Variants in PTPN23 observed in about 807,000 individuals in gnomAD.
PTPN23 encodes tyrosine-protein phosphatase non-receptor type 23.
Under a neutral mutation model 156.3 loss-of-function variants are expected in PTPN23, and 72 were observed. That is an observed-to-expected ratio of 0.46 (90% CI 0.38 to 0.56). The LOEUF (loss-of-function observed/expected upper bound fraction) is 0.56, where lower values mean the gene tolerates loss of function less well. Among genes scored for constraint, PTPN23 ranks in the 20% least tolerant of loss-of-function variants. PTPN23 has a pLI of 0.00. For missense variants in PTPN23, 1,974 were observed against 2,171.5 expected (o/e 0.91, Z 1.81); for synonymous variants, 957 against 899.6 (o/e 1.06, Z -1.14).
At position 47,409,926 on chromosome 3, in the gene PTPN23, A is replaced by G. The variant is rs1705224455; in HGVS notation, c.2130-2A>G. On this transcript the variant is annotated splice_acceptor_variant, in intron 19 of 24. Coordinates refer to ENST00000265562, the MANE Select transcript of PTPN23 (RefSeq NM_015466.4). LOFTEE classifies it high-confidence loss of function. ...CCCACTTTTTCCTTGCCTGTCGCAC[A>G]GGGAGCTGAAGAAGAAGCCGCCGCC... The G allele has an allele frequency of 6.4e-7, 1 of 1,567,652 alleles. No homozygotes were observed. The highest frequency in any genetic ancestry group is 8.6e-7 in the Non-Finnish European group (1 of 1,157,936).
intron 2 of PTPN23, among the ~76,000 whole-genome samples, chr3:47,397,600 C>G (rs898228091): frequency 6.6e-6 from 1 of 152,182 alleles, no homozygotes; most frequent in Non-Finnish European, 1.5e-5. Flanking sequence ...GTACTAGCAA[C>G]TATTGCCAGT....
chr3:47,411,016 C>A lies in PTPN23; in HGVS notation c.3218C>A (p.Ser1073Ter). ...QAAPLTIRGP[S>*]SAGQSTPSPH... Reference sequence around the variant, plus strand: ...GCCCCTCTTACCATTCGAGGGCCCTCGTCTGCTGGCCAGTCCACCCCTAGT... The same window carrying A: ...GCCCCTCTTACCATTCGAGGGCCCTAGTCTGCTGGCCAGTCCACCCCTAGT... The change falls in exon 20 of 25, where the codon TCG (serine) becomes TAG (stop). Residue 1073 changes from serine to a stop codon, truncating the protein, a stop_gained. Coordinates refer to ENST00000265562, the MANE Select transcript of PTPN23 (RefSeq NM_015466.4). LOFTEE classifies it high-confidence loss of function. The surrounding 1 kb of genome is among the most constrained non-coding windows in gnomAD (Gnocchi z 6.3). The A allele has an allele frequency of 6.3e-7, 1 of 1,595,184 alleles. No individual in the cohort carries two copies. The highest frequency in any genetic ancestry group is 1.1e-5 in the South Asian group (1 of 87,656).
intron 2 of PTPN23, among the ~76,000 whole-genome samples, chr3:47,400,816 C>T (rs1431993397): frequency 6.6e-6 from 1 of 152,202 alleles, no homozygotes; most frequent in Non-Finnish European, 1.5e-5. Flanking sequence ...TCAGGTGATC[C>T]ACCCGCCTTG....
In PTPN23 at chr3:47,412,994, T is replaced by C. The variant is rs774355652; in HGVS notation, c.4720T>C (p.Ser1574Pro). Residue 1574 changes from serine (S) to proline (P), a missense_variant, in exon 25 of 25, where the codon TCC (serine) becomes CCC (proline). Physicochemically the swap from Ser to Pro is moderately conservative, Grantham distance 74. Around this residue, in one of 4 missense-constraint regions of PTPN23, gnomAD observed 484 missense variants for 516.0 expected, o/e 0.94. Transcript: ENST00000265562. The part of the protein sequence containing the change: ...VPEAPSSGPP[S>P]SSLELLASLT... Reference sequence around the variant, plus strand: ...TGAAGCCCCCAGCTCGGGGCCCCCCTCCTCCTCCCTGGAATTGCTGGCCTC... The same window carrying C: ...TGAAGCCCCCAGCTCGGGGCCCCCCCCCTCCTCCCTGGAATTGCTGGCCTC... 11 of 1,477,258 alleles carry C rather than the reference T, an allele frequency of 7.4e-6. No individual in the cohort carries two copies. The highest frequency in any genetic ancestry group is 9.9e-6 in the Non-Finnish European group (11 of 1,111,294). 91.5% of individuals were successfully genotyped at this position (1,477,258 alleles called of 1,614,324 possible).
chr3:47,404,746 G>T lies in PTPN23; in HGVS notation c.254G>T (p.Gly85Val). 1.2e-6 allele frequency: 2 copies of T among 1,613,858 alleles called. No homozygotes were observed. Among genetic ancestry groups the T allele is most frequent in the East Asian group, 4.5e-5 (2 of 44,870 alleles). ...TACCTGCAGAGTCGGGTCCCCATGG[G>T]CTCGGGCCAGGAGGCCGCTGTCCCT... is the stretch of plus-strand genomic sequence containing the variant. Reference protein sequence around the residue: ...LHYLQSRVPMGSGQEAAVPVT... With the variant: ...LHYLQSRVPMVSGQEAAVPVT... Residue 85 changes from glycine (G) to valine (V), a missense_variant, in exon 3 of 25, where the codon GGC (glycine) becomes GTC (valine). Coordinates refer to ENST00000265562, the MANE Select transcript of PTPN23 (RefSeq NM_015466.4).
chr3:47,409,392 T>C (rs753644825), intron 17 of PTPN23, 25 bp from the exon 18 acceptor site: 2 of 1,613,696 alleles, frequency 1.2e-6, no homozygotes, highest in African/African-American at 2.7e-5. Context: ...TGAGTGTCCG[T>C]CCCTGGCCCC....
At chr3:47,381,839 G>A (rs141978260) in intron 1 of PTPN23, among the ~76,000 whole-genome samples, 15 of 152,324 alleles carry the variant, frequency 9.8e-5, no homozygotes, top group Non-Finnish European at 1.5e-4. Context: ...GTAGAGCTCA[G>A]AGAAATCTTA....
Position 47,405,734 on chromosome 3 carries a change from C to T in PTPN23, c.365-15C>T, listed in dbSNP as rs1559524622. 3.1e-6 allele frequency: 5 copies of T among 1,598,720 alleles called. No individual in the cohort carries two copies. The highest frequency in any genetic ancestry group is 1.7e-5 in the Admixed American group (1 of 57,206). On this transcript the variant is annotated splice_polypyrimidine_tract_variant and intron_variant, in intron 4 of 24. Coordinates refer to ENST00000265562, the MANE Select transcript of PTPN23 (RefSeq NM_015466.4). This position sits in a 1 kb window ranked among gnomAD's most constrained non-coding sequence, Gnocchi z 4.7. The stretch of plus-strand genomic sequence containing the variant: ...AGCAGCCCCAGGCCCCTAACACTGT[C>T]CCCTCCCTCCCCAGGAGCGCTGCAC...
intron 2 of PTPN23, among the ~76,000 whole-genome samples, chr3:47,402,527 G>A (rs1431760754): frequency 2.0e-5 from 3 of 152,170 alleles, no homozygotes; most frequent in African/African-American, 4.8e-5. Context: ...CGATCCACCC[G>A]CCTCAGCCTC....
Position 47,412,547 on chromosome 3 carries a change from A to G in PTPN23, c.4351A>G (p.Arg1451Gly), listed in dbSNP as rs764967821. Reference protein sequence around the residue: ...HLRFCYEAVVRHVEQVLQRHG... With the variant: ...HLRFCYEAVVGHVEQVLQRHG... ...CAGGTTCTGCTATGAGGCAGTGGTG[A>G]GACACGTGGAGCAGGTCCTGCAGCG... The change falls in exon 24 of 25, where the codon AGA becomes GGA. Residue 1451 changes from arginine (R) to glycine (G), a missense_variant. By Grantham distance (125) the Arg-to-Gly change is moderately radical. Coordinates refer to ENST00000265562, the MANE Select transcript of PTPN23 (RefSeq NM_015466.4). The G allele has an allele frequency of 6.8e-6, 11 of 1,613,584 alleles. No individual in the cohort carries two copies. The highest frequency in any genetic ancestry group is 9.3e-6 in the Non-Finnish European group (11 of 1,179,990).
In PTPN23 at chr3:47,410,314, C is replaced by T; in HGVS notation, c.2516C>T (p.Pro839Leu). 1 of 1,605,414 alleles carries T rather than the reference C, an allele frequency of 6.2e-7. No homozygotes were observed. The highest frequency in any genetic ancestry group is 8.5e-7 in the Non-Finnish European group (1 of 1,175,642). Residue 839 changes from proline (P) to leucine (L), a missense_variant, in exon 20 of 25, where the codon CCA becomes CTA. Coordinates refer to ENST00000265562, the MANE Select transcript of PTPN23 (RefSeq NM_015466.4). ...PELGLVPRSSPQHGVVSSPYV... is the reference protein window; with the variant it reads ...PELGLVPRSSLQHGVVSSPYV... Reference sequence around the variant, plus strand: ...CTGGGCCTTGTGCCCCGATCCTCCCCACAGCATGGCGTGGTGAGCAGTCCC... The same window carrying T: ...CTGGGCCTTGTGCCCCGATCCTCCCTACAGCATGGCGTGGTGAGCAGTCCC...
At chr3:47,404,126 C>T (rs1314607281) in intron 2 of PTPN23, among the ~76,000 whole-genome samples, 1 of 152,176 alleles carries the variant, frequency 6.6e-6, no homozygotes, top group African/African-American at 2.4e-5. Flanking sequence ...AAACATGTTG[C>T]AAACTGCTTT....
Position 47,409,428 on chromosome 3 carries a change from G to A in PTPN23, c.1809G>A (p.Glu603=). ...CACCCCTTCCTCAGAAGTTGTTCGA[G>A]GAGCAGCTGAAAAAGTATGACCAGC... ...TDHSEMKKLF[E]EQLKKYDQLK... Residue 603 remains glutamate, a synonymous_variant, in exon 18 of 25, where the codon GAG becomes GAA. Coordinates refer to ENST00000265562, the MANE Select transcript of PTPN23 (RefSeq NM_015466.4). 1 of 1,614,166 alleles carries A rather than the reference G, an allele frequency of 6.2e-7. No homozygotes were observed. Among genetic ancestry groups the A allele is most frequent in the Non-Finnish European group, 8.5e-7 (1 of 1,180,030 alleles).
At chr3:47,400,261 G>T (rs1704966004) in intron 2 of PTPN23, among the ~76,000 whole-genome samples, 2 of 152,224 alleles carry the variant, frequency 1.3e-5, no homozygotes, top group South Asian at 4.1e-4. Flanking sequence ...TAAAACCAGG[G>T]TTTGAATAGT....
intron 1 of PTPN23, among the ~76,000 whole-genome samples, chr3:47,393,064 G>A (rs1038159807): frequency 1.3e-5 from 2 of 152,040 alleles, no homozygotes; most frequent in African/African-American, 2.4e-5. Flanking sequence ...TTGAACTCTT[G>A]GGGTCAAGTG....
In PTPN23 at chr3:47,412,564, C is replaced by T. The variant is rs756230136; in HGVS notation, c.4368C>T (p.Val1456=). 2.9e-5 allele frequency: 46 copies of T among 1,613,668 alleles called. 1 individual carries two copies. In the South Asian group the frequency reaches 4.6e-4, roughly 16 times the overall value. The change falls in exon 24 of 25, where the codon GTC becomes GTT. Residue 1456 remains valine, a synonymous_variant. Coordinates refer to ENST00000265562, the MANE Select transcript of PTPN23 (RefSeq NM_015466.4). ...CAGTGGTGAGACACGTGGAGCAGGT[C>T]CTGCAGCGCCATGGTGTGCCTCCTC... ...YEAVVRHVEQ[V]LQRHGVPPPC...
intron 2 of PTPN23, among the ~76,000 whole-genome samples, chr3:47,396,986 T>C (rs1298097505): frequency 2.6e-5 from 4 of 152,078 alleles, no homozygotes. Context: ...CTTAAACACT[T>C]AAGAGGCCAT....
rs746295823 is a variant in PTPN23 at position 47,411,743 on chromosome 3, C to T, written c.3889-40C>T. 3 of 1,591,406 alleles carry T rather than the reference C, an allele frequency of 1.9e-6. No homozygotes were observed. The highest frequency in any genetic ancestry group is 1.7e-5 in the Admixed American group (1 of 58,812). On this transcript the variant is annotated intron_variant, in intron 20 of 24. Transcript: ENST00000265562. The surrounding 1 kb of genome is among the most constrained non-coding windows in gnomAD (Gnocchi z 6.3). ...AGTGTGGGGTGGCAGGGCAGGGGAT[C>T]CTGGAAAACCAGGTCTGTCTTGGCT...
At chr3:47,388,057 G>A (rs1255979953) in intron 1 of PTPN23, among the ~76,000 whole-genome samples, 2 of 152,102 alleles carry the variant, frequency 1.3e-5, no homozygotes, top group East Asian at 3.9e-4. Flanking sequence ...CTTGGTTTAG[G>A]TCCCCTCTCA....
Sources: gnomAD v4.1 joint callset for allele counts (sites outside exome capture counted in the v4.1 genomes callset) on GRCh38, gnomAD v4.1.1 for gene constraint, gnomAD v4.1.1 regional missense constraint, Gnocchi (gnomAD v3.1) non-coding constraint, MANE v1.5 for transcripts, NCBI Gene and HGNC (gene_info 2026-07-23, HGNC 2026-07-21) for gene names.